RREB1: variants seen among roughly 807,000 people sequenced by gnomAD.
The protein encoded by RREB1 is ras-responsive element-binding protein 1.
A neutral mutation model predicts 117.8 loss-of-function variants in RREB1; 27 were observed. That is an observed-to-expected ratio of 0.23 (90% CI 0.17 to 0.32). The LOEUF (loss-of-function observed/expected upper bound fraction) is 0.32. Among genes scored for constraint, RREB1 ranks in the 10% least tolerant of loss-of-function variants. The pLI is 1.00. For synonymous variants in RREB1, 1,298 were observed against 1,026.7 expected, an observed-to-expected ratio of 1.26 and a Z score of -5.05; for missense variants, 2,577 against 2,378.2, an observed-to-expected ratio of 1.08 and a Z score of -1.74.
intron 2 of RREB1, among the ~76,000 whole-genome samples, chr6:7,177,360 T>TC (rs543412732): frequency 2.8e-5 from 4 of 144,830 alleles, no homozygotes; most frequent in South Asian, 2.2e-4. Context: ...CATCTCTCTC[T>TC]TTTTTTTTTT....
Position 7,116,388 on chromosome 6 carries a change from A to G in RREB1, c.-285+8328A>G, listed in dbSNP as rs113220579. On this transcript the variant is annotated intron_variant, in intron 1 of 12. Coordinates refer to ENST00000379938, the MANE Select transcript of RREB1 (RefSeq NM_001003699.4). The stretch of plus-strand genomic sequence containing the variant: ...ACCCAGCTTAAATACTACCTCTTCT[A>G]TGGAGAATTAGCTCTTCTGTTGTGA... Among the ~76,000 whole-genome samples the G allele has an allele frequency of 1.1e-3, 162 of 152,188 alleles. 1 individual carries two copies. The highest frequency in any genetic ancestry group is 3.7e-3 in the African/African-American group (154 of 41,536).
intron 6 of RREB1, among the ~76,000 whole-genome samples, chr6:7,200,244 A>ATGTGTG (rs70978945): frequency 0.089 from 11,469 of 129,294 alleles, 728 homozygotes; most frequent in Non-Finnish European, 0.14. Context: ...ATGTGTGTAT[A>ATGTGTG]TGTGTGTGTG....
At chr6:7,247,651 T>G (rs543552648) in intron 12 of RREB1, among the ~76,000 whole-genome samples, 1 of 152,188 alleles carries the variant, frequency 6.6e-6, no homozygotes, top group South Asian at 2.1e-4. Flanking sequence ...GCACCCTGGG[T>G]GATCCATTAG....
chr6:7,183,938 A>G (rs1764935441), intron 4 of RREB1: 1 of 152,202 alleles, frequency 6.6e-6, no homozygotes, highest in Non-Finnish European at 1.5e-5. Context: ...GATGCTGACA[A>G]GGGTGCCAGA....
rs1761007910 is a variant in RREB1, at chr6:7,109,183, G to A, written c.-285+1123G>A. On this transcript the variant is annotated intron_variant, in intron 1 of 12. Transcript: ENST00000379938. ...CTGGACCAGTTTTTCACGAGTTCTG[G>A]GGCTTCCCTTCCTCCTCCCATCCCG... 2.0e-5 allele frequency among the ~76,000 whole-genome samples: 3 copies of A among 151,886 alleles called. No homozygotes were observed. In the South Asian group the frequency reaches 6.2e-4, roughly 32 times the overall value.
intron 1 of RREB1, among the ~76,000 whole-genome samples, chr6:7,108,374 C>T (rs1046955986): frequency 6.6e-6 from 1 of 152,004 alleles, no homozygotes; most frequent in Non-Finnish European, 1.5e-5. Flanking sequence ...CCCGAGCCGC[C>T]GGCTCTGCCA....
intron 10 of RREB1, 80 bp from the exon 11 acceptor site, chr6:7,240,358 C>A: frequency 1.6e-6 from 2 of 1,212,366 alleles, no homozygotes; most frequent in South Asian, 1.5e-5. Flanking sequence ...CCAATGATCC[C>A]AGGAGAATAA....
In RREB1 at chr6:7,247,309, GCCA is replaced by G. The variant is rs1769147768; in HGVS notation, c.4771+91_4771+93del. On this transcript the variant is annotated intron_variant, in intron 12 of 12. Transcript: ENST00000379938. ...GAGCTCCCCTGAAGCGGCGCTGGAG[GCCA>G]CCGAGAGAACGTTTGCTTACGTTGC... 4.2e-6 allele frequency: 5 copies of G among 1,196,720 alleles called. 1 individual carries two copies. In the South Asian group the frequency reaches 7.8e-5, roughly 19 times the overall value. 74.1% of individuals were successfully genotyped at this position (1,196,720 alleles called of 1,614,324 possible).
chr6:7,248,597 G>T lies in RREB1; in HGVS notation c.4858G>T (p.Ala1620Ser). The T allele has an allele frequency of 6.2e-7, 1 of 1,614,270 alleles. No individual in the cohort carries two copies. ...TCGCCACCAGCGGATCCACCAGAAA[G>T]CCAGGCATGCCAAACACCACGGGAA... ...LVRHQRIHQK[A>S]RHAKHHGKDS... The change falls in exon 13 of 13, where the codon GCC (alanine) becomes TCC (serine). Residue 1620 changes from alanine to serine, a missense_variant. Ala to Ser is a moderately conservative substitution (Grantham distance 99). Transcript: ENST00000379938.
intron 1 of RREB1, among the ~76,000 whole-genome samples, chr6:7,155,914 G>GA (rs1299166368): frequency 6.6e-6 from 1 of 152,204 alleles, no homozygotes; most frequent in Non-Finnish European, 1.5e-5. Context: ...GACTAGAACT[G>GA]AGACAGCTCC....
intron 4 of RREB1, among the ~76,000 whole-genome samples, chr6:7,184,265 ATTATTATTATTTTTT>A (rs568013025): frequency 1.4e-3 from 215 of 150,650 alleles, no homozygotes; most frequent in Non-Finnish European, 2.3e-3. Context: ...GGTTCATTTT[ATTATTATTATTTTTT>A]TTATTATTAT....
Position 7,250,999 on chromosome 6 carries a change from A to C in RREB1, c.*2031A>C, listed in dbSNP as rs796285483. 1 of 151,466 alleles carries C rather than the reference A, an allele frequency of 6.6e-6. No homozygotes were observed. The highest frequency in any genetic ancestry group is 1.5e-5 in the Non-Finnish European group (1 of 67,874). The allele number at this position is 151,466 out of a possible 1,614,324, so 9.4% of individuals were successfully genotyped here. A position where few individuals can be genotyped will look rare whatever the true frequency, so the allele number is the denominator to read the frequency against. ...TATTATTATTATTATTACAGTTGTT[A>C]TTGTTGTTTTTGTTGTTATTATTAT... On this transcript the variant is annotated 3_prime_UTR_variant, in exon 13 of 13. Transcript: ENST00000379938.
At chr6:7,248,349 C>T (rs922609689) in intron 12 of RREB1, among the ~76,000 whole-genome samples, 162 bp from the exon 13 acceptor site, 1 of 152,228 alleles carries the variant, frequency 6.6e-6, no homozygotes, top group African/African-American at 2.4e-5. Context: ...AGAGCTTGTC[C>T]GTCCTCAGTT....
intron 6 of RREB1, among the ~76,000 whole-genome samples, chr6:7,196,233 T>G (rs1222007446): frequency 2.0e-5 from 3 of 147,578 alleles, no homozygotes; most frequent in Non-Finnish European, 3.0e-5. Flanking sequence ...TTTTTTTTGT[T>G]TTTTTTTTTT....
In RREB1 at chr6:7,229,109, C is replaced by G; in HGVS notation, c.1010C>G (p.Thr337Ser). ...MLCSLALHKQ[T>S]HVAADQGQEK... ...TGCTCACTGGCTCTGCACAAGCAGA[C>G]CCATGTGGCGGCAGACCAGGGTCAA... is the stretch of plus-strand genomic sequence containing the variant. Residue 337 changes from threonine to serine, a missense_variant, in exon 10 of 13, where the codon ACC becomes AGC. Thr to Ser is a moderately conservative substitution (Grantham distance 58). Coordinates refer to ENST00000379938, the MANE Select transcript of RREB1 (RefSeq NM_001003699.4). The surrounding 1 kb of genome is among the most constrained non-coding windows in gnomAD (Gnocchi z 4.5). The G allele has an allele frequency of 6.2e-7, 1 of 1,607,760 alleles. No homozygotes were observed.
chr6:7,244,056 G>A (rs1183366480), intron 11 of RREB1, among the ~76,000 whole-genome samples: 1 of 152,118 alleles, frequency 6.6e-6, no homozygotes, highest in African/African-American at 2.4e-5. Flanking sequence ...GAGGTCAGGA[G>A]TTCTGAGACC....
chr6:7,190,116 C>T (rs143528935), intron 6 of RREB1, among the ~76,000 whole-genome samples: 2 of 152,144 alleles, frequency 1.3e-5, no homozygotes, highest in East Asian at 3.9e-4. Context: ...ATGAGTTGGA[C>T]CAGTTTATTA....
At chr6:7,110,532 T>C (rs1253029843) in intron 1 of RREB1, among the ~76,000 whole-genome samples, 1 of 152,028 alleles carries the variant, frequency 6.6e-6, no homozygotes, top group East Asian at 1.9e-4. Context: ...GGGAGCCTTC[T>C]GGGTACCCGC....
At chr6:7,144,233 AC>A (rs1316489101) in intron 1 of RREB1, among the ~76,000 whole-genome samples, 1 of 152,196 alleles carries the variant, frequency 6.6e-6, no homozygotes, top group Non-Finnish European at 1.5e-5. Flanking sequence ...TGTTCTCATA[AC>A]AAAAAATAAA....
Sources: gnomAD v4.1 joint callset for allele counts (sites outside exome capture counted in the v4.1 genomes callset) on GRCh38, gnomAD v4.1.1 for gene constraint, Gnocchi (gnomAD v3.1) non-coding constraint, MANE v1.5 for transcripts, NCBI Gene and HGNC (gene_info 2026-07-23, HGNC 2026-07-21) for gene names.